The following RABGAP1L variants were observed in gnomAD, a reference collection of about 807,000 sequenced individuals.
RABGAP1L encodes the protein RAB GTPase activating protein 1 like, also known as rab GTPase-activating protein 1-like.
RABGAP1L carries 63 observed loss-of-function variants against 137.7 expected under a neutral mutation model. The ratio of observed to expected loss-of-function variants is 0.46; its 90% CI spans 0.37 to 0.56. The LOEUF (loss-of-function observed/expected upper bound fraction) is 0.56. Among genes scored for constraint, RABGAP1L ranks in the 20% least tolerant of loss-of-function variants. The probability of loss-of-function intolerance (pLI) is 0.00; values close to 1 mark genes in which losing one functional copy is unlikely to be tolerated. For missense variants in RABGAP1L, 1,095 were observed against 1,244.0 expected (o/e 0.88, Z 1.80); for synonymous variants, 431 against 433.7 (o/e 0.99, Z 0.08).
At chr1:174,762,807 CTTTTTTTTTTTTTT>C (rs71563260) in intron 18 of RABGAP1L, among the ~76,000 whole-genome samples, 1 of 81,810 alleles carries the variant, frequency 1.2e-5, no homozygotes, top group African/African-American at 4.8e-5. Flanking sequence ...GTCTCCTTTG[CTTTTTTTTTTTTTT>C]TTTTTTTTTT....
chr1:174,208,088 T>C (rs1308017995), intron 1 of RABGAP1L, among the ~76,000 whole-genome samples: 1 of 152,212 alleles, frequency 6.6e-6, no homozygotes, highest in African/African-American at 2.4e-5. Context: ...ACAGACCCTA[T>C]GCATATTTTG....
intron 19 of RABGAP1L, among the ~76,000 whole-genome samples, chr1:174,904,002 G>A (rs1039494343): frequency 2.0e-5 from 3 of 150,726 alleles, no homozygotes; most frequent in Admixed American, 6.6e-5. Flanking sequence ...ATTTTAAAAT[G>A]GTGACATGGA....
At chr1:174,484,543 G>A (rs2149338330) in intron 13 of RABGAP1L, among the ~76,000 whole-genome samples, 1 of 152,284 alleles carries the variant, frequency 6.6e-6, no homozygotes, top group Middle Eastern at 3.4e-3. Flanking sequence ...TGAGACCTTA[G>A]ATTTAAGTCT....
chr1:174,987,802 G>GATATT (rs1558309674), intron 24 of RABGAP1L, among the ~76,000 whole-genome samples: 2 of 152,114 alleles, frequency 1.3e-5, no homozygotes, highest in Non-Finnish European at 2.9e-5. Flanking sequence ...ATGTGGTAGA[G>GATATT]TTATTTTATT....
At chr1:174,206,010 C>T (rs1414149347) in intron 1 of RABGAP1L, among the ~76,000 whole-genome samples, 1 of 152,142 alleles carries the variant, frequency 6.6e-6, no homozygotes, top group Non-Finnish European at 1.5e-5. Flanking sequence ...TTTTTCTTGT[C>T]TCCGTCTAGG....
intron 19 of RABGAP1L, chr1:174,875,726 T>C: frequency 1.0e-6 from 1 of 979,102 alleles, no homozygotes; most frequent in Non-Finnish European, 1.2e-6. Flanking sequence ...ATGAACTGCC[T>C]GGACACCTTA....
intron 13 of RABGAP1L, among the ~76,000 whole-genome samples, chr1:174,536,046 T>C (rs1443028560): frequency 6.6e-6 from 1 of 152,186 alleles, no homozygotes; most frequent in Non-Finnish European, 1.5e-5. Context: ...TAATGTATAT[T>C]TGTGGTTTCT....
intron 13 of RABGAP1L, among the ~76,000 whole-genome samples, chr1:174,633,890 G>T (rs1313701821): frequency 2.0e-5 from 2 of 97,920 alleles, no homozygotes; most frequent in Non-Finnish European, 3.8e-5. Context: ...AATTCAAGAT[G>T]GATTAAAGAT....
intron 19 of RABGAP1L, among the ~76,000 whole-genome samples, chr1:174,822,336 T>A (rs1160231994): frequency 6.6e-6 from 1 of 152,258 alleles, no homozygotes; most frequent in Non-Finnish European, 1.5e-5. Flanking sequence ...TTGAGACTTC[T>A]ATTAACACTC....
intron 19 of RABGAP1L, among the ~76,000 whole-genome samples, chr1:174,822,426 G>A (rs569938076): frequency 6.6e-6 from 1 of 152,218 alleles, no homozygotes; most frequent in African/African-American, 2.4e-5. Context: ...TGTTGGACAT[G>A]TTCTGAAACA....
chr1:174,583,308 A>G (rs1453482746), intron 13 of RABGAP1L, among the ~76,000 whole-genome samples: 1 of 152,110 alleles, frequency 6.6e-6, no homozygotes, highest in Non-Finnish European at 1.5e-5. Context: ...TAAAAATTCC[A>G]TTTCAAGGGA....
Position 174,917,668 on chromosome 1 carries a change from C to T in RABGAP1L, c.2341-39789C>T, listed in dbSNP as rs549777425. On this transcript the variant is annotated intron_variant, in intron 19 of 25. Coordinates refer to ENST00000681986, the MANE Select transcript of RABGAP1L (RefSeq NM_001366446.1). ...TGTATTGAGGCTGGGCGTGGTGGCTCACGCCTGTAACCCCAGCACTTTGGG... is the reference window on the plus strand; with the variant it reads ...TGTATTGAGGCTGGGCGTGGTGGCTTACGCCTGTAACCCCAGCACTTTGGG... Among the ~76,000 whole-genome samples the T allele has an allele frequency of 6.6e-5, 10 of 152,284 alleles. No individual in the cohort carries two copies. The South Asian group carries it at 1.7e-3, about 25-fold the overall frequency.
chr1:174,798,887 A>G (rs1688483735), intron 18 of RABGAP1L, among the ~76,000 whole-genome samples: 3 of 152,334 alleles, frequency 2.0e-5, no homozygotes, highest in East Asian at 1.9e-4. Context: ...GACTGTCCCT[A>G]TGGTGATTTG....
intron 17 of RABGAP1L, among the ~76,000 whole-genome samples, chr1:174,727,139 G>A (rs1682052702): frequency 6.6e-6 from 1 of 152,066 alleles, no homozygotes; most frequent in Admixed American, 6.6e-5. Context: ...ATTTCTTAAG[G>A]TTTTTCTGAG....
At chr1:174,636,756 G>A (rs546196995) in intron 13 of RABGAP1L, among the ~76,000 whole-genome samples, 1 of 152,276 alleles carries the variant, frequency 6.6e-6, no homozygotes, top group South Asian at 2.1e-4. Context: ...GTATTGGAAT[G>A]ACAGTTCTGG....
chr1:174,861,551 G>A (rs928189480), intron 19 of RABGAP1L, among the ~76,000 whole-genome samples: 1 of 151,968 alleles, frequency 6.6e-6, no homozygotes, highest in African/African-American at 2.4e-5. Flanking sequence ...TAGTAACTGG[G>A]CCAATTTACA....
At chr1:174,914,948 T>G (rs1459105941) in intron 19 of RABGAP1L, among the ~76,000 whole-genome samples, 1 of 152,248 alleles carries the variant, frequency 6.6e-6, no homozygotes, top group Admixed American at 6.5e-5. Context: ...GCATAATGAT[T>G]TTGAGGTTAA....
intron 20 of RABGAP1L, among the ~76,000 whole-genome samples, chr1:174,962,702 T>C (rs1669269871): frequency 6.6e-6 from 1 of 152,076 alleles, no homozygotes; most frequent in South Asian, 2.1e-4. Context: ...TTTAAATTAG[T>C]ATACATTTCT....
intron 11 of RABGAP1L, among the ~76,000 whole-genome samples, chr1:174,350,161 A>G: frequency 1.6e-5 from 2 of 124,742 alleles, no homozygotes; most frequent in Non-Finnish European, 3.4e-5. Flanking sequence ...TCCCTCCCGG[A>G]TGGGGCGGCT....
Sources: gnomAD v4.1 joint callset for allele counts (sites outside exome capture counted in the v4.1 genomes callset) on GRCh38, gnomAD v4.1.1 for gene constraint, MANE v1.5 for transcripts, NCBI Gene and HGNC (gene_info 2026-07-23, HGNC 2026-07-21) for gene names.